SPTBN1: variants seen among roughly 807,000 people sequenced by gnomAD.
SPTBN1 encodes the protein spectrin beta chain, non-erythrocytic 1.
Under a neutral mutation model 266.4 loss-of-function variants are expected in SPTBN1, and 32 were observed. The ratio of observed to expected loss-of-function variants is 0.12; its 90% CI spans 0.09 to 0.16. SPTBN1 has a LOEUF of 0.16. SPTBN1 is among the 10% of genes least tolerant of loss of function. SPTBN1 has a pLI of 1.00. For missense variants in SPTBN1, 2,296 were observed against 3,067.1 expected, an observed-to-expected ratio of 0.75 and a Z score of 5.94; for synonymous variants, 1,336 against 1,162.2, an observed-to-expected ratio of 1.15 and a Z score of -3.04.
chr2:54,510,037 C>T (rs749331909), intron 1 of SPTBN1, among the ~76,000 whole-genome samples: 2 of 151,144 alleles, frequency 1.3e-5, no homozygotes, highest in Non-Finnish European at 2.9e-5. Context: ...CTGCTCACTG[C>T]AACCTCCGCC....
rs1262047033 is a variant in SPTBN1 at position 54,649,432 on chromosome 2, G to T, written c.5203-183G>T. 9 of 1,070,304 alleles carry T rather than the reference G, an allele frequency of 8.4e-6. No individual in the cohort carries two copies. The highest frequency in any genetic ancestry group is 1.2e-5 in the Non-Finnish European group (9 of 762,634). The allele number at this position is 1,070,304 out of a possible 1,614,324, so 66.3% of individuals were successfully genotyped here. A position where few individuals can be genotyped will look rare whatever the true frequency, so the allele number is the denominator to read the frequency against. On this transcript the variant is annotated intron_variant, in intron 25 of 35. Coordinates refer to ENST00000356805, the MANE Select transcript of SPTBN1 (RefSeq NM_003128.3). The surrounding 1 kb of genome is among the most constrained non-coding windows in gnomAD (Gnocchi z 6.7). ...GGAGGTAGTGCCTCACTCTGCTGCA[G>T]TGAGCAAGAAAGGAAACCCAGTTGC...
chr2:54,558,409 C>A lies in SPTBN1; in HGVS notation c.148+31843C>A. On this transcript the variant is annotated intron_variant, in intron 2 of 35. Coordinates refer to ENST00000356805, the MANE Select transcript of SPTBN1 (RefSeq NM_003128.3). The surrounding 1 kb of genome is among the most constrained non-coding windows in gnomAD (Gnocchi z 4.6). The stretch of plus-strand genomic sequence containing the variant: ...GCTGGGAGGAGGTGTGCGCGCTGCG[C>A]CCGCGAGCTCCCGGGCTCGGCAACC... 1 of 1,015,802 alleles carries A rather than the reference C, an allele frequency of 9.8e-7. No homozygotes were observed. Among genetic ancestry groups the A allele is most frequent in the South Asian group, 4.2e-5 (1 of 23,920 alleles). The allele number at this position is 1,015,802 out of a possible 1,614,324, so 62.9% of individuals were successfully genotyped here. A position where few individuals can be genotyped will look rare whatever the true frequency, so the allele number is the denominator to read the frequency against.
chr2:54,552,552 A>C (rs950782706), intron 2 of SPTBN1, among the ~76,000 whole-genome samples: 2 of 68,594 alleles, frequency 2.9e-5, no homozygotes, highest in African/African-American at 2.1e-4. Context: ...AACCTCCCAG[A>C]TTCAAGCGAT....
At chr2:54,486,523 C>T (rs1668401104) in intron 1 of SPTBN1, among the ~76,000 whole-genome samples, 1 of 152,056 alleles carries the variant, frequency 6.6e-6, no homozygotes, top group African/African-American at 2.4e-5. Context: ...TTGAAGGCAG[C>T]ATGCTCGTTA....
rs1402434275 is a variant in SPTBN1 at position 54,626,994 on chromosome 2, T to TTA, written c.1644+761_1644+762dup. Among the ~76,000 whole-genome samples the TTA allele has an allele frequency of 6.6e-5, 10 of 150,484 alleles. No homozygotes were observed. The highest frequency in any genetic ancestry group is 1.2e-4 in the Non-Finnish European group (8 of 67,046). On this transcript the variant is annotated intron_variant, in intron 12 of 35. Transcript: ENST00000356805. This position sits in a 1 kb window ranked among gnomAD's most constrained non-coding sequence, Gnocchi z 4.7. ...AAGCAGTTCTCCAGCTGGGAGGCCT[T>TTA]TAGCCTTGTAGACAGAAGAAAATAG...
intron 3 of SPTBN1, among the ~76,000 whole-genome samples, chr2:54,605,526 C>G (rs1676779442): frequency 6.6e-6 from 1 of 152,236 alleles, no homozygotes; most frequent in Non-Finnish European, 1.5e-5. Context: ...ACAGTAGTTG[C>G]TCAGTAAGTG....
intron 4 of SPTBN1, 145 bp downstream of exon 4, chr2:54,612,479 C>A: frequency 1.1e-6 from 1 of 940,710 alleles, no homozygotes; most frequent in Non-Finnish European, 1.5e-6. Flanking sequence ...CATATCCAGC[C>A]CTCAGAATTG....
intron 4 of SPTBN1, 117 bp from the exon 5 acceptor site, chr2:54,616,089 CT>C: frequency 1.3e-6 from 1 of 755,078 alleles, no homozygotes; most frequent in East Asian, 2.9e-5. Flanking sequence ...GGTAGATCGT[CT>C]GCAGGGCAAG....
intron 1 of SPTBN1, among the ~76,000 whole-genome samples, chr2:54,490,313 C>A (rs1173005236): frequency 6.6e-6 from 1 of 152,138 alleles, no homozygotes; most frequent in Non-Finnish European, 1.5e-5. Flanking sequence ...CTCAGGTGAT[C>A]CGCTCGCTTC....
In SPTBN1 at chr2:54,629,915, T is replaced by C; in HGVS notation, c.2693T>C (p.Met898Thr). The C allele has an allele frequency of 1.2e-6, 2 of 1,613,984 alleles. No homozygotes were observed. Among genetic ancestry groups the C allele is most frequent in the Non-Finnish European group, 1.7e-6 (2 of 1,180,022 alleles). The part of the protein sequence containing the change: ...QHRFESLEPE[M>T]NNQASRVAVV... ...AGATTTGAGAGCCTAGAACCAGAAA[T>C]GAACAACCAGGCTTCCCGGGTTGCA... Residue 898 changes from methionine (M) to threonine (T), a missense_variant, in exon 15 of 36, where the codon ATG becomes ACG. Around this residue, in one of 12 missense-constraint regions of SPTBN1, gnomAD observed 434 missense variants for 573.9 expected, o/e 0.76. Coordinates refer to ENST00000356805, the MANE Select transcript of SPTBN1 (RefSeq NM_003128.3).
intron 1 of SPTBN1, among the ~76,000 whole-genome samples, chr2:54,471,764 A>G (rs1322681353): frequency 6.9e-6 from 1 of 145,480 alleles, no homozygotes; most frequent in Non-Finnish European, 1.5e-5. Flanking sequence ...GCTCCTCTGA[A>G]TGTGTTACCA....
chr2:54,661,329 T>A, intron 32 of SPTBN1: 1 of 985,930 alleles, frequency 1.0e-6, no homozygotes, highest in African/African-American at 1.7e-5. Flanking sequence ...TGTGAGACAT[T>A]CACTTGCTCT....
At chr2:54,492,166 C>G (rs189326639) in intron 1 of SPTBN1, among the ~76,000 whole-genome samples, 3 of 152,046 alleles carry the variant, frequency 2.0e-5, no homozygotes, top group Non-Finnish European at 2.9e-5. Flanking sequence ...AATTCTGGTC[C>G]AGTTTACGGT....
In SPTBN1 at chr2:54,631,329, G is replaced by A; in HGVS notation, c.3282G>A (p.Leu1094=). Residue 1094 remains leucine (L), a synonymous_variant, in exon 16 of 36, where the codon CTG becomes CTA. Transcript: ENST00000356805. The part of the protein sequence containing the change: ...AIASEDMPNT[L]TEAEKLLTQH... The stretch of plus-strand genomic sequence containing the variant: ...CCTCGGAGGACATGCCAAACACCCT[G>A]ACCGAGGCTGAGAAGCTGCTCACGC... 6.2e-7 allele frequency: 1 copy of A among 1,614,242 alleles called. No homozygotes were observed. The highest frequency in any genetic ancestry group is 8.5e-7 in the Non-Finnish European group (1 of 1,180,046).
chr2:54,595,460 T>C (rs906861435), intron 2 of SPTBN1, among the ~76,000 whole-genome samples: 1 of 152,164 alleles, frequency 6.6e-6, no homozygotes, highest in African/African-American at 2.4e-5. Context: ...GAGGACTTGA[T>C]AACAGCGATA....
chr2:54,618,612 A>G (rs1175663383), intron 7 of SPTBN1, among the ~76,000 whole-genome samples: 1 of 152,246 alleles, frequency 6.6e-6, no homozygotes, highest in Non-Finnish European at 1.5e-5. Flanking sequence ...TGCTCGAAGT[A>G]GAAAAGTAGA....
chr2:54,638,212 CA>C (rs1273328401), intron 18 of SPTBN1, among the ~76,000 whole-genome samples: 1 of 152,208 alleles, frequency 6.6e-6, no homozygotes, highest in Non-Finnish European at 1.5e-5. Context: ...AGATATAGAA[CA>C]TTTCTGTCGT....
chr2:54,661,558 T>A (rs1211337893), intron 32 of SPTBN1: 2 of 985,776 alleles, frequency 2.0e-6, no homozygotes, highest in African/African-American at 1.7e-5. Flanking sequence ...CCAAGCTTCT[T>A]ATGTTCTGGG....
intron 2 of SPTBN1, chr2:54,535,264 A>G (rs1671534328): frequency 6.6e-6 from 1 of 152,232 alleles, no homozygotes; most frequent in Non-Finnish European, 1.5e-5. Flanking sequence ...TTTACATACC[A>G]TAAAATATAC....
Sources: gnomAD v4.1 joint callset for allele counts (sites outside exome capture counted in the v4.1 genomes callset) on GRCh38, gnomAD v4.1.1 for gene constraint, gnomAD v4.1.1 regional missense constraint, Gnocchi (gnomAD v3.1) non-coding constraint, MANE v1.5 for transcripts, NCBI Gene and HGNC (gene_info 2026-07-23, HGNC 2026-07-21) for gene names.